NRG3: variants seen among roughly 807,000 people sequenced by gnomAD.
NRG3 encodes neuregulin 3, also known as pro-neuregulin-3, membrane-bound isoform.
In NRG3, 31 loss-of-function variants were observed where a neutral mutation model predicts 66.9. The ratio of observed to expected loss-of-function variants is 0.46; its 90% confidence interval spans 0.35 to 0.63. The LOEUF (loss-of-function observed/expected upper bound fraction) is 0.63, where lower values mean the gene tolerates loss of function less well. NRG3 is among the 20% of genes least tolerant of loss of function. The pLI is 0.00. For missense variants in NRG3, 910 were observed against 878.9 expected (o/e 1.04, Z -0.45); for synonymous variants, 393 against 359.4 (o/e 1.09, Z -1.06).
chr10:82,509,376 A>T (rs1292354853), intron 2 of NRG3, among the ~76,000 whole-genome samples: 2 of 152,192 alleles, frequency 1.3e-5, no homozygotes, highest in Non-Finnish European at 1.5e-5. Context: ...ATTATTATGC[A>T]AAAAGTATCT....
intron 2 of NRG3, among the ~76,000 whole-genome samples, chr10:82,547,146 A>C (rs1358779235): frequency 6.6e-6 from 1 of 152,140 alleles, no homozygotes. Flanking sequence ...TGGAACAATT[A>C]AACCTAAGTT....
At chr10:82,795,771 T>C (rs1422283041) in intron 3 of NRG3, among the ~76,000 whole-genome samples, 4 of 152,144 alleles carry the variant, frequency 2.6e-5, no homozygotes, top group African/African-American at 9.7e-5. Context: ...TAAACTGGAA[T>C]CTCTTGTTTT....
intron 2 of NRG3, among the ~76,000 whole-genome samples, chr10:82,507,628 T>C (rs1844808538): frequency 6.6e-6 from 1 of 152,132 alleles, no homozygotes; most frequent in African/African-American, 2.4e-5. Flanking sequence ...CCTATCTCAG[T>C]GTCTGACCTG....
intron 2 of NRG3, among the ~76,000 whole-genome samples, chr10:82,487,342 A>G (rs1202212370): frequency 6.6e-6 from 1 of 152,066 alleles, no homozygotes; most frequent in Non-Finnish European, 1.5e-5. Flanking sequence ...CCAGTGACTA[A>G]TTTATGTCTA....
At chr10:81,885,263 T>G (rs1394757288) in intron 1 of NRG3, among the ~76,000 whole-genome samples, 1 of 152,184 alleles carries the variant, frequency 6.6e-6, no homozygotes, top group African/African-American at 2.4e-5. Flanking sequence ...GTGACTGCAG[T>G]GTATGCTGAG....
intron 1 of NRG3, among the ~76,000 whole-genome samples, chr10:82,114,969 G>A (rs529315978): frequency 3.3e-5 from 5 of 151,972 alleles, no homozygotes; most frequent in Non-Finnish European, 7.4e-5. Context: ...CTTCTCAATC[G>A]CTCAGTTTTC....
intron 2 of NRG3, among the ~76,000 whole-genome samples, chr10:82,407,763 T>C (rs2087633660): frequency 1.3e-5 from 2 of 151,940 alleles, no homozygotes; most frequent in Admixed American, 1.3e-4. Flanking sequence ...CCTCATGAAG[T>C]TTACATGTTA....
At chr10:82,361,195 C>T (rs993627317) in intron 2 of NRG3, among the ~76,000 whole-genome samples, 15 of 152,028 alleles carry the variant, frequency 9.9e-5, no homozygotes, top group Admixed American at 6.6e-4. Flanking sequence ...AGATATATAC[C>T]TATAGTTTAA....
intron 1 of NRG3, among the ~76,000 whole-genome samples, chr10:81,992,882 A>G (rs895086025): frequency 1.4e-4 from 22 of 152,212 alleles, no homozygotes; most frequent in African/African-American, 5.1e-4. Context: ...TAGTGTAGCC[A>G]TCTTACAGGG....
At chr10:82,612,338 CT>C (rs962715641) in intron 2 of NRG3, among the ~76,000 whole-genome samples, 18 of 151,812 alleles carry the variant, frequency 1.2e-4, no homozygotes, top group Admixed American at 7.9e-4. Context: ...TCCTCCTCCT[CT>C]TTTTTTTAAT....
At chr10:82,589,000 T>C (rs1237253648) in intron 2 of NRG3, among the ~76,000 whole-genome samples, 1 of 152,156 alleles carries the variant, frequency 6.6e-6, no homozygotes, top group Non-Finnish European at 1.5e-5. Flanking sequence ...ATTAAGCTTA[T>C]ATTTGGTTCT....
chr10:82,985,562 T>C lies in NRG3; in HGVS notation c.2048T>C (p.Val683Ala). The C allele has an allele frequency of 6.2e-7, 1 of 1,613,680 alleles. No individual in the cohort carries two copies. Among genetic ancestry groups the C allele is most frequent in the Non-Finnish European group, 8.5e-7 (1 of 1,179,980 alleles). ...TAKSEREAQF[V>A]LRNEIQRDSA... ...AAATCAGAACGAGAGGCGCAATTTG[T>C]CTTAAGAAATGAAATACAAAGAGAC... Residue 683 changes from valine (V) to alanine (A), a missense_variant, in exon 9 of 9, where the codon GTC (valine) becomes GCC (alanine). Physicochemically the swap from Val to Ala is moderately conservative, Grantham distance 64 (BLOSUM62 0). Transcript: ENST00000372141.
At chr10:82,473,627 C>T (rs1289093544) in intron 2 of NRG3, among the ~76,000 whole-genome samples, 4 of 152,140 alleles carry the variant, frequency 2.6e-5, no homozygotes. Flanking sequence ...TTTCACTTGC[C>T]ATTGCCCCTT....
chr10:82,702,730 C>T (rs957468009), intron 2 of NRG3, among the ~76,000 whole-genome samples: 11 of 152,108 alleles, frequency 7.2e-5, no homozygotes, highest in African/African-American at 9.7e-5. Flanking sequence ...AAGGGACACA[C>T]GAGTCCTTTG....
intron 1 of NRG3, among the ~76,000 whole-genome samples, chr10:82,195,136 G>C (rs2074377634): frequency 6.6e-6 from 1 of 152,094 alleles, no homozygotes. Context: ...TTATCCATCT[G>C]GTAGAACAAG....
intron 7 of NRG3, among the ~76,000 whole-genome samples, chr10:82,978,495 C>T (rs1336855788): frequency 1.3e-5 from 2 of 152,164 alleles, no homozygotes; most frequent in African/African-American, 4.8e-5. Context: ...AATTTTATCG[C>T]TAATAAGTGA....
chr10:82,930,627 G>A (rs1847473278), intron 4 of NRG3, among the ~76,000 whole-genome samples: 1 of 152,088 alleles, frequency 6.6e-6, no homozygotes, highest in Non-Finnish European at 1.5e-5. Context: ...GTTCAGTCTG[G>A]GTGCATTTAT....
chr10:81,911,731 A>G (rs1365188743), intron 1 of NRG3, among the ~76,000 whole-genome samples: 1 of 149,660 alleles, frequency 6.7e-6, no homozygotes, highest in African/African-American at 2.5e-5. Context: ...CCGTTACCAC[A>G]CACACACACA....
At chr10:82,815,936 G>A (rs948436745) in intron 3 of NRG3, among the ~76,000 whole-genome samples, 2 of 152,188 alleles carry the variant, frequency 1.3e-5, no homozygotes, top group Non-Finnish European at 2.9e-5. Context: ...GCTAGCACAC[G>A]TTTTGGCTCT....
Sources: allele counts gnomAD v4.1 joint callset (sites outside exome capture counted in the v4.1 genomes callset), GRCh38; gene constraint gnomAD v4.1.1; transcripts MANE v1.5; gene names NCBI Gene and HGNC (gene_info 2026-07-23, HGNC 2026-07-21).